Variants in PCDH15 observed in about 807,000 individuals in gnomAD.
PCDH15 encodes protocadherin-15.
Under a neutral mutation model 178.5 loss-of-function variants are expected in PCDH15, and 129 were observed. That is an observed-to-expected ratio of 0.72 (90% confidence interval 0.63 to 0.84). The LOEUF (loss-of-function observed/expected upper bound fraction) is 0.84. Among genes scored for constraint, PCDH15 ranks in the 40% least tolerant of loss-of-function variants. The probability of loss-of-function intolerance (pLI) is 0.00; values close to 1 mark genes in which losing one functional copy is unlikely to be tolerated. For missense variants in PCDH15, 2,230 were observed against 2,099.9 expected, an observed-to-expected ratio of 1.06 and a Z score of -1.21; for synonymous variants, 800 against 732.0, an observed-to-expected ratio of 1.09 and a Z score of -1.50.
At chr10:54,416,148 A>C (rs1160137045) in intron 3 of PCDH15, among the ~76,000 whole-genome samples, 2 of 151,992 alleles carry the variant, frequency 1.3e-5, no homozygotes, top group South Asian at 2.1e-4. Context: ...TATACACATA[A>C]AATTTTTAAA....
intron 2 of PCDH15, among the ~76,000 whole-genome samples, chr10:55,457,017 C>A (rs1839568400): frequency 6.6e-6 from 1 of 151,982 alleles, no homozygotes; most frequent in South Asian, 2.1e-4. Flanking sequence ...GGGAATGTTT[C>A]TTTTTAAAAG....
chr10:54,519,130 C>T (rs1284313607), intron 3 of PCDH15, among the ~76,000 whole-genome samples: 1 of 152,122 alleles, frequency 6.6e-6, no homozygotes, highest in Non-Finnish European at 1.5e-5. Context: ...AAACTGGAAG[C>T]ATTCCCTTTG....
chr10:54,938,597 C>G (rs541291339), intron 2 of PCDH15, among the ~76,000 whole-genome samples: 1 of 152,160 alleles, frequency 6.6e-6, no homozygotes, highest in South Asian at 2.1e-4. Flanking sequence ...CTATTTTAAT[C>G]TCTTTACTCA....
At chr10:54,074,425 A>G (rs1215315628) in intron 17 of PCDH15, among the ~76,000 whole-genome samples, 1 of 152,192 alleles carries the variant, frequency 6.6e-6, no homozygotes, top group Non-Finnish European at 1.5e-5. Flanking sequence ...GTACCAAAAT[A>G]TAAGTGGAAT....
At chr10:54,603,412 T>G (rs1314664475) in intron 2 of PCDH15, among the ~76,000 whole-genome samples, 10 of 151,946 alleles carry the variant, frequency 6.6e-5, no homozygotes, top group Admixed American at 6.6e-4. Context: ...TTTCCTTCTT[T>G]CTGATAATAT....
chr10:55,479,060 A>G (rs999819329), intron 2 of PCDH15, among the ~76,000 whole-genome samples: 3 of 151,332 alleles, frequency 2.0e-5, no homozygotes, highest in African/African-American at 7.3e-5. Flanking sequence ...TCTACTAAAC[A>G]TTCAAGGAAG....
At chr10:54,674,447 TATC>T (rs1161968352) in intron 1 of PCDH15, among the ~76,000 whole-genome samples, 1 of 152,100 alleles carries the variant, frequency 6.6e-6, no homozygotes, top group Non-Finnish European at 1.5e-5. Context: ...TTTGCAGAAA[TATC>T]ATCTCAAAAA....
At chr10:54,366,475 T>C (rs1375303855) in intron 5 of PCDH15, among the ~76,000 whole-genome samples, 1 of 152,034 alleles carries the variant, frequency 6.6e-6, no homozygotes, top group East Asian at 1.9e-4. Flanking sequence ...AAGATAGGGA[T>C]ATCTATTTAT....
At chr10:54,326,340 G>A (rs1938087336) in intron 7 of PCDH15, among the ~76,000 whole-genome samples, 1 of 152,008 alleles carries the variant, frequency 6.6e-6, no homozygotes, top group Non-Finnish European at 1.5e-5. Flanking sequence ...TATCTACTAA[G>A]ATTAAAAAGT....
At chr10:54,080,666 T>C (rs545114931) in intron 16 of PCDH15, among the ~76,000 whole-genome samples, 45 of 152,278 alleles carry the variant, frequency 3.0e-4, no homozygotes, top group South Asian at 6.2e-4. Context: ...AATTTGCTTA[T>C]TATGTTGTAA....
chr10:55,145,120 C>T (rs949700955), intron 2 of PCDH15, among the ~76,000 whole-genome samples: 13 of 152,024 alleles, frequency 8.6e-5, no homozygotes, highest in African/African-American at 2.4e-4. Flanking sequence ...TTATTCTTTC[C>T]AGCTATTTCC....
intron 15 of PCDH15, among the ~76,000 whole-genome samples, chr10:54,126,411 T>C (rs1351087312): frequency 6.6e-6 from 1 of 152,124 alleles, no homozygotes; most frequent in Non-Finnish European, 1.5e-5. Context: ...CTGAAGACAA[T>C]CAACCTCCCT....
chr10:55,384,984 A>G (rs1325814383), intron 2 of PCDH15, among the ~76,000 whole-genome samples: 2 of 152,176 alleles, frequency 1.3e-5, no homozygotes, highest in Non-Finnish European at 2.9e-5. Flanking sequence ...TTGAAGAGAA[A>G]AGCAAAAATA....
chr10:53,898,257 G>A (rs1302408536), intron 26 of PCDH15, among the ~76,000 whole-genome samples: 11 of 152,034 alleles, frequency 7.2e-5, no homozygotes, highest in South Asian at 2.1e-4. Flanking sequence ...ATGAGCCACC[G>A]CACCCGGCCC....
intron 26 of PCDH15, among the ~76,000 whole-genome samples, chr10:53,869,446 C>G (rs947016009): frequency 6.6e-6 from 1 of 151,998 alleles, no homozygotes; most frequent in Non-Finnish European, 1.5e-5. Context: ...AAATTTGGGC[C>G]TAATGTCAGA....
Position 55,084,523 on chromosome 10 carries a change from T to G in PCDH15, c.-80+82053A>C, listed in dbSNP as rs140263671. 1.1e-3 allele frequency among the ~76,000 whole-genome samples: 169 copies of G among 149,786 alleles called. 1 individual carries two copies. Among genetic ancestry groups the G allele is most frequent in the African/African-American group, 3.9e-3 (159 of 40,770 alleles). ...TCCAGGACATAGATCAAGGCAAATA[T>G]ATTTTGAGTAATATTCCATAACCAT... On this transcript the variant is annotated intron_variant, in intron 2 of 5. Transcript: ENST00000458638.
intron 15 of PCDH15, among the ~76,000 whole-genome samples, chr10:54,130,462 C>T (rs1462860452): frequency 6.6e-6 from 1 of 152,092 alleles, no homozygotes; most frequent in South Asian, 2.1e-4. Context: ...CTATAACTGA[C>T]CCTTATTAGC....
intron 1 of PCDH15, among the ~76,000 whole-genome samples, chr10:55,170,424 CAGGAA>C (rs1839302670): frequency 6.6e-6 from 1 of 152,012 alleles, no homozygotes; most frequent in South Asian, 2.1e-4. Context: ...GCTATGATTA[CAGGAA>C]TGAGCCACCG....
intron 26 of PCDH15, among the ~76,000 whole-genome samples, chr10:53,877,961 G>T (rs972597297): frequency 6.6e-6 from 1 of 152,132 alleles, no homozygotes; most frequent in East Asian, 1.9e-4. Flanking sequence ...AGAGATGAAT[G>T]TTAAAACAAG....
Sources: allele counts gnomAD v4.1 joint callset (sites outside exome capture counted in the v4.1 genomes callset), GRCh38; gene constraint gnomAD v4.1.1; transcripts MANE v1.5; gene names NCBI Gene and HGNC (gene_info 2026-07-23, HGNC 2026-07-21).